The following C6orf52 variants were observed in gnomAD, a reference collection of about 807,000 sequenced individuals.
C6orf52 encodes putative uncharacterized protein C6orf52.
A neutral mutation model predicts 16.6 loss-of-function variants in C6orf52; 16 were observed. That is an observed-to-expected ratio of 0.96 (90% CI 0.65 to 1.46). The LOEUF (loss-of-function observed/expected upper bound fraction) is 1.46. C6orf52 is among the 40% of genes most tolerant of loss of function. The pLI, the probability that C6orf52 is intolerant of heterozygous loss-of-function variation, is 0.00. For missense variants in C6orf52, 166 were observed against 182.3 expected (o/e 0.91, Z 0.52); for synonymous variants, 53 against 61.4 (o/e 0.86, Z 0.64).
Position 10,687,563 on chromosome 6 carries a change from T to C in C6orf52, c.-11-2A>G. ...CTGGTTGGGCCATTTACCCAGAAAC[T>C]TTACAAAAAGAGAGCAGAATCCAGT... On this transcript the variant is annotated splice_acceptor_variant, in intron 1 of 4. Transcript: ENST00000259983. LOFTEE classifies it low-confidence loss of function (5UTR_SPLICE). 1 of 1,543,266 alleles carries C rather than the reference T, an allele frequency of 6.5e-7. No homozygotes were observed. The highest frequency in any genetic ancestry group is 2.0e-5 in the Admixed American group (1 of 50,658).
intron 4 of C6orf52, among the ~76,000 whole-genome samples, chr6:10,678,550 C>G (rs908714643): frequency 1.3e-5 from 2 of 152,162 alleles, no homozygotes; most frequent in Admixed American, 6.5e-5. Flanking sequence ...TACAGGCATA[C>G]CTCAGAGATA....
intron 3 of C6orf52, chr6:10,684,943 CAT>C (rs1236377239): frequency 3.2e-6 from 4 of 1,238,492 alleles, no homozygotes; most frequent in African/African-American, 3.1e-5. Context: ...CAAAAGATAA[CAT>C]ATTTATATAA....
chr6:10,687,638 C>T, intron 1 of C6orf52, 77 bp from the exon 2 acceptor site: 10 of 833,442 alleles, frequency 1.2e-5, no homozygotes. Context: ...CCTCTCAATC[C>T]TGACAAATAA....
intron 1 of C6orf52, among the ~76,000 whole-genome samples, 193 bp downstream of exon 1, chr6:10,694,301 C>G (rs1257599843): frequency 6.6e-6 from 1 of 151,830 alleles, no homozygotes; most frequent in Non-Finnish European, 1.5e-5. Flanking sequence ...TGCTCCCTCC[C>G]CAGGAGGTGC....
At chr6:10,679,459 A>G (rs2127463796) in intron 4 of C6orf52, among the ~76,000 whole-genome samples, 1 of 152,126 alleles carries the variant, frequency 6.6e-6, no homozygotes, top group South Asian at 2.1e-4. Flanking sequence ...AAAAATAGAA[A>G]AAAAAATAGC....
rs543875912 is a variant in C6orf52 at position 10,692,583 on chromosome 6, G to A, written c.-12+1911C>T. ...ACCCTCCCGAGTAGCTGGGACTATA[G>A]GCGCCCACCACCACACCCAGCTAAT... On this transcript the variant is annotated intron_variant, in intron 1 of 4. Transcript: ENST00000259983. Among the ~76,000 whole-genome samples, 4 of 152,196 alleles carry A rather than the reference G, an allele frequency of 2.6e-5. No individual in the cohort carries two copies. In the South Asian group the frequency reaches 8.3e-4, roughly 32 times the overall value.
chr6:10,692,165 T>C (rs1049038675), intron 1 of C6orf52, among the ~76,000 whole-genome samples: 1 of 152,196 alleles, frequency 6.6e-6, no homozygotes, highest in Non-Finnish European at 1.5e-5. Context: ...TAGCGGTTTT[T>C]AATTTGTGGA....
intron 1 of C6orf52, among the ~76,000 whole-genome samples, chr6:10,688,212 A>ATTT (rs1561880370): frequency 0.019 from 2,865 of 151,484 alleles, 73 homozygotes; most frequent in African/African-American, 0.066. Flanking sequence ...TTTTTTTTTA[A>ATTT]AAAAAGCATA....
Position 10,694,614 on chromosome 6 carries a change from G to A in C6orf52, c.-132C>T, listed in dbSNP as rs1032033701. On this transcript the variant is annotated 5_prime_UTR_variant, in exon 1 of 5. Coordinates refer to ENST00000259983, the MANE Select transcript of C6orf52 (RefSeq NM_001145020.3). Reference sequence around the variant, plus strand: ...ACAGCCCCTAAGCAACCGGCCGGAAGTCGGCCCCACCTCCTCCTGATGTCA... The same window carrying A: ...ACAGCCCCTAAGCAACCGGCCGGAAATCGGCCCCACCTCCTCCTGATGTCA... The A allele has an allele frequency of 1.5e-5, 3 of 199,142 alleles. No homozygotes were observed. The highest frequency in any genetic ancestry group is 3.2e-5 in the Non-Finnish European group (3 of 94,054). 12.3% of individuals were successfully genotyped at this position (199,142 alleles called of 1,614,324 possible).
chr6:10,691,370 G>C (rs1769285020), intron 1 of C6orf52, among the ~76,000 whole-genome samples: 1 of 152,124 alleles, frequency 6.6e-6, no homozygotes, highest in South Asian at 2.1e-4. Flanking sequence ...GGAGGTCCGT[G>C]TGAGAGGGTC....
At chr6:10,685,247 G>GAAAAAAAAA (rs34615421) in intron 3 of C6orf52, among the ~76,000 whole-genome samples, 1 of 73,038 alleles carries the variant, frequency 1.4e-5, no homozygotes. Context: ...AGGGGCAAAA[G>GAAAAAAAAA]AAAAAAAAAA....
intron 3 of C6orf52, among the ~76,000 whole-genome samples, chr6:10,686,461 C>T (rs888306368): frequency 2.6e-5 from 4 of 152,090 alleles, no homozygotes; most frequent in African/African-American, 9.7e-5. Context: ...TTCAATACAT[C>T]TTTGTGTGAT....
At chr6:10,685,588 TG>T (rs1768809416) in intron 3 of C6orf52, among the ~76,000 whole-genome samples, 1 of 152,074 alleles carries the variant, frequency 6.6e-6, no homozygotes, top group Non-Finnish European at 1.5e-5. Flanking sequence ...CAAGCTGGGG[TG>T]GGGGAAGTCC....
At chr6:10,693,523 G>T (rs1769543704) in intron 1 of C6orf52, among the ~76,000 whole-genome samples, 1 of 152,180 alleles carries the variant, frequency 6.6e-6, no homozygotes, top group Admixed American at 6.5e-5. Context: ...AAAAGTTATT[G>T]GAAACAAAAG....
At chr6:10,693,347 T>C (rs1011943058) in intron 1 of C6orf52, among the ~76,000 whole-genome samples, 1 of 152,268 alleles carries the variant, frequency 6.6e-6, no homozygotes, top group Non-Finnish European at 1.5e-5. Context: ...AGAGATCTTT[T>C]GTCTCCATGC....
In C6orf52 at chr6:10,671,535, A is replaced by G. The variant is rs1285381628; in HGVS notation, c.380T>C (p.Leu127Pro). 1.9e-6 allele frequency: 3 copies of G among 1,549,508 alleles called. No individual in the cohort carries two copies. The East Asian group carries it at 7.3e-5, about 38-fold the overall frequency. ...NQEFMVKSEE[L>P]YDSLMNCHWQ... ...GTGGCAATTCATGAGGGAGTCGTAG[A>G]GTTCTTCACTTTTCACCATAAACTC... The change falls in exon 5 of 5, where the codon CTC becomes CCC. Residue 127 changes from leucine (L) to proline (P), a missense_variant. Physicochemically the swap from Leu to Pro is moderately conservative, Grantham distance 98. Transcript: ENST00000259983.
rs540760855 is a variant in C6orf52 at position 10,671,469 on chromosome 6, T to G, written c.446A>C (p.Glu149Ala). 6.5e-7 allele frequency: 1 copy of G among 1,542,910 alleles called. No individual in the cohort carries two copies. The highest frequency in any genetic ancestry group is 1.2e-5 in the South Asian group (1 of 81,724). Residue 149 changes from glutamate (E) to alanine (A), a missense_variant, in exon 5 of 5, where the codon GAG becomes GCG. Transcript: ENST00000259983. ...GAACACCTTGCTTCACTTCGGGGTC[T>G]CATCTGGGATTTCGGAGTGAACTGT... ...LDTVHSEIPD[E>A]TPK
intron 3 of C6orf52, chr6:10,684,867 G>A: frequency 7.8e-7 from 1 of 1,289,220 alleles, no homozygotes; most frequent in Non-Finnish European, 1.0e-6. Context: ...ATTTCACTCA[G>A]CAGCTTCCCA....
At chr6:10,680,337 A>G (rs1768267904) in intron 4 of C6orf52, among the ~76,000 whole-genome samples, 1 of 152,174 alleles carries the variant, frequency 6.6e-6, no homozygotes, top group Admixed American at 6.5e-5. Context: ...ATTTGTGTAT[A>G]TTAAACTATC....
Sources: gnomAD v4.1 joint callset for allele counts (sites outside exome capture counted in the v4.1 genomes callset) on GRCh38, gnomAD v4.1.1 for gene constraint, MANE v1.5 for transcripts, NCBI Gene and HGNC (gene_info 2026-07-23, HGNC 2026-07-21) for gene names.